CIMIP3: variants seen among roughly 807,000 people sequenced by gnomAD.
The protein encoded by CIMIP3 is GUCA1A neighbor.
At chr6:42,162,090 C>CTT in the CIMIP3 span, among the ~76,000 whole-genome samples, 515 of 63,018 alleles carry the variant, frequency 8.2e-3, 61 homozygotes, top group African/African-American at 0.021. Context: ...AAGCCACATT[C>CTT]TTTTTTTTTT....
chr6:42,162,409 C>CTTT, the CIMIP3 span, among the ~76,000 whole-genome samples: 33 of 134,792 alleles, frequency 2.4e-4, 1 homozygote, highest in Non-Finnish European at 4.4e-4. Context: ...GAGCGAAACT[C>CTTT]TTTTTTTTTT....
At chr6:42,161,014 A>T in the CIMIP3 span, among the ~76,000 whole-genome samples, 1 of 151,612 alleles carries the variant, frequency 6.6e-6, no homozygotes, top group African/African-American at 2.4e-5. Context: ...TGTGGAGAAA[A>T]CCCATCTCTA....
chr6:42,162,497 G>A, the CIMIP3 span, among the ~76,000 whole-genome samples: 1 of 151,362 alleles, frequency 6.6e-6, no homozygotes, highest in African/African-American at 2.4e-5. Flanking sequence ...GGAAGCCCTG[G>A]TGGAGGGCAA....
the CIMIP3 span, among the ~76,000 whole-genome samples, chr6:42,156,080 G>A: frequency 2.0e-4 from 31 of 151,630 alleles, no homozygotes; most frequent in African/African-American, 6.5e-4. Flanking sequence ...TGCAACCTCC[G>A]CCTCCTGTGT....
chr6:42,156,683 A>G, the CIMIP3 span, among the ~76,000 whole-genome samples: 1 of 152,236 alleles, frequency 6.6e-6, no homozygotes, highest in African/African-American at 2.4e-5. Flanking sequence ...TACCGTTCCC[A>G]GCACTCATGG....
At chr6:42,162,286 T>C in the CIMIP3 span, among the ~76,000 whole-genome samples, 4 of 149,394 alleles carry the variant, frequency 2.7e-5, no homozygotes, top group South Asian at 2.2e-4. Context: ...TGGTGGCGGG[T>C]GCCTGTAATC....
At chr6:42,156,184 C>T in the CIMIP3 span, among the ~76,000 whole-genome samples, 28 of 151,934 alleles carry the variant, frequency 1.8e-4, no homozygotes, top group Admixed American at 6.6e-4. Context: ...TTAGTAGAGA[C>T]GGGGTTTCAC....
the CIMIP3 span, among the ~76,000 whole-genome samples, chr6:42,159,254 G>A: frequency 6.6e-6 from 1 of 152,156 alleles, no homozygotes; most frequent in African/African-American, 2.4e-5. Flanking sequence ...CTGTAATTCT[G>A]CAAGACACAA....
At chr6:42,162,906 T>A in the CIMIP3 span, 1 of 614,502 alleles carries the variant, frequency 1.6e-6, no homozygotes, top group Non-Finnish European at 3.0e-6. Context: ...CTCCCCTTCT[T>A]TCCCCCCTCC....
the CIMIP3 span, among the ~76,000 whole-genome samples, chr6:42,160,052 C>T: frequency 1.3e-5 from 2 of 152,118 alleles, no homozygotes; most frequent in Non-Finnish European, 2.9e-5. Context: ...GTGGTGTGAT[C>T]ACAGCTCACT....
chr6:42,155,522 G>T, the CIMIP3 span: 1 of 717,228 alleles, frequency 1.4e-6, no homozygotes, highest in South Asian at 1.5e-5. Flanking sequence ...AGGTCAGCTC[G>T]GGGTCACAAG....
the CIMIP3 span, among the ~76,000 whole-genome samples, chr6:42,162,562 G>A: frequency 0.22 from 32,640 of 150,568 alleles, 3,608 homozygotes; most frequent in Middle Eastern, 0.28. Context: ...GCAGTGGCAG[G>A]GAAGAGGGAG....
the CIMIP3 span, among the ~76,000 whole-genome samples, chr6:42,162,409 CTTT>C: frequency 1.5e-5 from 2 of 134,774 alleles, no homozygotes; most frequent in Non-Finnish European, 1.6e-5. Context: ...GAGCGAAACT[CTTT>C]TTTTTTTTTT....
chr6:42,158,705 A>G, the CIMIP3 span, among the ~76,000 whole-genome samples: 1 of 152,222 alleles, frequency 6.6e-6, no homozygotes, highest in Non-Finnish European at 1.5e-5. Flanking sequence ...AATGGAGGCA[A>G]TGTCTCAAAT....
the CIMIP3 span, among the ~76,000 whole-genome samples, chr6:42,156,296 A>AC: frequency 7.2e-6 from 1 of 139,650 alleles, no homozygotes; most frequent in East Asian, 2.1e-4. Context: ...GTGCTCAGCC[A>AC]TTTTTTTTTC....
the CIMIP3 span, among the ~76,000 whole-genome samples, chr6:42,161,689 G>A: frequency 3.3e-5 from 5 of 152,148 alleles, no homozygotes; most frequent in Non-Finnish European, 7.4e-5. Context: ...GGGTGAGTAG[G>A]AGACACATTT....
the CIMIP3 span, among the ~76,000 whole-genome samples, chr6:42,158,815 G>C: frequency 6.6e-6 from 1 of 152,154 alleles, no homozygotes; most frequent in African/African-American, 2.4e-5. Context: ...TCTGTGGGCT[G>C]CTCTCTTCAG....
At chr6:42,156,961 C>T in the CIMIP3 span, among the ~76,000 whole-genome samples, 1 of 152,238 alleles carries the variant, frequency 6.6e-6, no homozygotes, top group Non-Finnish European at 1.5e-5. Context: ...GAGGAGGCTA[C>T]AGGTGGAATT....
the CIMIP3 span, among the ~76,000 whole-genome samples, chr6:42,161,032 T>C: frequency 1.3e-5 from 2 of 151,836 alleles, no homozygotes; most frequent in East Asian, 3.9e-4. Context: ...CTACTGAAAA[T>C]ACAAAATTAG....
Sources: allele counts gnomAD v4.1 joint callset (sites outside exome capture counted in the v4.1 genomes callset), GRCh38; gene constraint gnomAD v4.1.1; transcripts MANE v1.5; gene names NCBI Gene and HGNC (gene_info 2026-07-23, HGNC 2026-07-21).